TMTC4: variants seen among roughly 807,000 people sequenced by gnomAD.
TMTC4 encodes the protein protein O-mannosyl-transferase TMTC4.
A neutral mutation model predicts 86.0 loss-of-function variants in TMTC4; 65 were observed. That is an observed-to-expected ratio of 0.76 (90% CI 0.62 to 0.93). TMTC4 has a LOEUF of 0.93. Among genes scored for constraint, TMTC4 ranks in the 40% least tolerant of loss-of-function variants. The pLI is 0.00. For missense variants in TMTC4, 866 were observed against 948.1 expected, an observed-to-expected ratio of 0.91 and a Z score of 1.14; for synonymous variants, 379 against 382.5, an observed-to-expected ratio of 0.99 and a Z score of 0.11.
chr13:100,616,050 G>A (rs1397749964), intron 15 of TMTC4, among the ~76,000 whole-genome samples: 1 of 149,284 alleles, frequency 6.7e-6, no homozygotes, highest in Non-Finnish European at 1.5e-5. Flanking sequence ...CCATGTTGCT[G>A]CAAAGGACAT....
intron 6 of TMTC4, among the ~76,000 whole-genome samples, chr13:100,654,537 T>C (rs1884839597): frequency 1.3e-5 from 2 of 152,086 alleles, no homozygotes. Context: ...ATCTTTTGTA[T>C]GGATATTTGG....
At chr13:100,672,733 C>T (rs963582509) in intron 1 of TMTC4, among the ~76,000 whole-genome samples, 1 of 152,176 alleles carries the variant, frequency 6.6e-6, no homozygotes, top group African/African-American at 2.4e-5. Flanking sequence ...TTCAAGCGAT[C>T]CTCCTGCCTC....
intron 5 of TMTC4, among the ~76,000 whole-genome samples, chr13:100,662,566 C>T (rs1352887636): frequency 2.6e-5 from 4 of 152,046 alleles, no homozygotes; most frequent in Non-Finnish European, 5.9e-5. Flanking sequence ...TGCATCAGAC[C>T]CTCCACTGAA....
chr13:100,654,304 T>C (rs1168141530), intron 6 of TMTC4, among the ~76,000 whole-genome samples: 1 of 152,204 alleles, frequency 6.6e-6, no homozygotes, highest in African/African-American at 2.4e-5. Context: ...GGCCTCATAA[T>C]TTCTTTCCAA....
chr13:100,643,418 T>C (rs1226934870), intron 6 of TMTC4, among the ~76,000 whole-genome samples: 2 of 152,188 alleles, frequency 1.3e-5, no homozygotes, highest in South Asian at 2.1e-4. Context: ...GGAACTCACC[T>C]ATAACGTGGG....
In TMTC4 at chr13:100,656,542, C is replaced by CTTTTTT. The variant is rs35563246; in HGVS notation, c.553-80_553-75dup. On this transcript the variant is annotated intron_variant, in intron 5 of 18. Transcript: ENST00000342624. The stretch of plus-strand genomic sequence containing the variant: ...GAAATCCTAAACTTAGGAGACATAA[C>CTTTTTT]TTTTTTTTTTTTTTTTTTGCGACAG... 131 of 385,888 alleles carry CTTTTTT rather than the reference C, an allele frequency of 3.4e-4. 2 individuals carry two copies. The highest frequency in any genetic ancestry group is 1.0e-3 in the African/African-American group (42 of 40,234). The allele number at this position is 385,888 out of a possible 1,614,324, so 23.9% of individuals were successfully genotyped here.
rs2791679 is a variant in TMTC4, at chr13:100,662,717, C to T, written c.552+247G>A. On this transcript the variant is annotated intron_variant, in intron 5 of 18. Transcript: ENST00000342624. ...CCACACCTTATCACGCAGTCCCCAC[C>T]GACATGGTGCTCTGCATTTTTTTTT... Among the ~76,000 whole-genome samples, 108,035 of 152,080 alleles carry T rather than the reference C, an allele frequency of 0.71. 39,358 individuals carry two copies. The highest frequency in any genetic ancestry group is 0.96 in the East Asian group (4,977 of 5,166).
chr13:100,616,546 G>T (rs1001242189), intron 15 of TMTC4, among the ~76,000 whole-genome samples: 4 of 152,180 alleles, frequency 2.6e-5, no homozygotes, highest in African/African-American at 9.7e-5. Flanking sequence ...TATATAACCA[G>T]TCATGAGATT....
intron 17 of TMTC4, among the ~76,000 whole-genome samples, chr13:100,608,694 G>A (rs2153021519): frequency 6.6e-6 from 1 of 152,258 alleles, no homozygotes; most frequent in Admixed American, 6.5e-5. Context: ...GGAAAGCAGT[G>A]AACTGTTTAT....
intron 7 of TMTC4, chr13:100,638,252 T>C: frequency 2.2e-6 from 1 of 453,828 alleles, no homozygotes; most frequent in Non-Finnish European, 3.9e-6. Context: ...TAGTAATGAT[T>C]TCACAGTCTG....
chr13:100,634,825 C>G lies in TMTC4; in HGVS notation c.1486G>C (p.Val496Leu). The change falls in exon 12 of 19, where the codon GTG (valine) becomes CTG (leucine). Residue 496 changes from valine to leucine, a missense_variant. Physicochemically the swap from Val to Leu is conservative, Grantham distance 32. Transcript: ENST00000342624. Reference protein sequence around the residue: ...EEQLFRSALSVCPLNAKVHYN... With the variant: ...EEQLFRSALSLCPLNAKVHYN... ...GGTACCTTAGCATTGAGGGGACACACAGACAGAGCACTTCTGAAAAGCTGT... is the reference window on the plus strand; with the variant it reads ...GGTACCTTAGCATTGAGGGGACACAGAGACAGAGCACTTCTGAAAAGCTGT... 2 of 1,614,098 alleles carry G rather than the reference C, an allele frequency of 1.2e-6. No homozygotes were observed. The highest frequency in any genetic ancestry group is 1.3e-5 in the African/African-American group (1 of 75,052).
intron 7 of TMTC4, among the ~76,000 whole-genome samples, chr13:100,639,299 G>C (rs535603388): frequency 6.6e-6 from 1 of 152,294 alleles, no homozygotes; most frequent in South Asian, 2.1e-4. Flanking sequence ...GCCAGTGCTG[G>C]GTTAATCAGT....
chr13:100,636,436 G>A, intron 10 of TMTC4, 96 bp downstream of exon 10: 1 of 1,415,516 alleles, frequency 7.1e-7, no homozygotes, highest in Non-Finnish European at 9.9e-7. Context: ...CCTTAGACGT[G>A]ACTTCCACAA....
At chr13:100,651,697 G>A (rs543278314) in intron 6 of TMTC4, among the ~76,000 whole-genome samples, 1 of 152,166 alleles carries the variant, frequency 6.6e-6, no homozygotes, top group South Asian at 2.1e-4. Flanking sequence ...TTCTCTGAAA[G>A]AATTTATTAA....
intron 6 of TMTC4, among the ~76,000 whole-genome samples, chr13:100,654,718 A>G (rs1260808064): frequency 6.6e-6 from 1 of 152,170 alleles, no homozygotes; most frequent in East Asian, 1.9e-4. Flanking sequence ...GGAGGCCAAT[A>G]CATGTATCTG....
At chr13:100,646,637 G>A (rs1473672877) in intron 6 of TMTC4, among the ~76,000 whole-genome samples, 1 of 152,302 alleles carries the variant, frequency 6.6e-6, no homozygotes, top group South Asian at 2.1e-4. Context: ...CTTGGGCAGC[G>A]ATCCTCCAAG....
chr13:100,634,438 A>C (rs1255222884), intron 12 of TMTC4, among the ~76,000 whole-genome samples: 1 of 152,074 alleles, frequency 6.6e-6, no homozygotes, highest in Non-Finnish European at 1.5e-5. Flanking sequence ...TGGGTTTTGA[A>C]AAGTGTGCTC....
intron 17 of TMTC4, among the ~76,000 whole-genome samples, chr13:100,606,706 A>G (rs1286416671): frequency 6.6e-6 from 1 of 152,146 alleles, no homozygotes; most frequent in African/African-American, 2.4e-5. Context: ...AATGTTATGC[A>G]AGTCGCCCAG....
At chr13:100,608,194 G>T (rs1303783289) in intron 17 of TMTC4, among the ~76,000 whole-genome samples, 1 of 152,202 alleles carries the variant, frequency 6.6e-6, no homozygotes, top group Non-Finnish European at 1.5e-5. Context: ...TAAGTTCTCA[G>T]ATGCCTGTGA....
Sources: allele counts gnomAD v4.1 joint callset (sites outside exome capture counted in the v4.1 genomes callset), GRCh38; gene constraint gnomAD v4.1.1; transcripts MANE v1.5; gene names NCBI Gene and HGNC (gene_info 2026-07-23, HGNC 2026-07-21).